UBAP1: variants seen among roughly 807,000 people sequenced by gnomAD.
UBAP1 encodes the protein ubiquitin-associated protein 1.
UBAP1 carries 5 observed loss-of-function variants against 39.0 expected under a neutral mutation model. The observed-to-expected ratio is 0.13, with a 90% CI of 0.07 to 0.27. The LOEUF (loss-of-function observed/expected upper bound fraction) is 0.27. UBAP1 is among the 10% of genes least tolerant of loss of function. The probability of loss-of-function intolerance (pLI) is 1.00; values close to 1 mark genes in which losing one functional copy is unlikely to be tolerated. For synonymous variants in UBAP1, 211 were observed against 225.1 expected, an observed-to-expected ratio of 0.94 and a Z score of 0.56; for missense variants, 490 against 608.1, an observed-to-expected ratio of 0.81 and a Z score of 2.04.
At chr9:34,217,783 CTTTTTTTTT>C (rs750494361) in intron 1 of UBAP1, among the ~76,000 whole-genome samples, 26 of 41,218 alleles carry the variant, frequency 6.3e-4, no homozygotes, top group Admixed American at 1.5e-3. Flanking sequence ...GGATTTCGTT[CTTTTTTTTT>C]TTTTTTTTTT....
At chr9:34,227,974 A>T (rs558133987) in intron 2 of UBAP1, among the ~76,000 whole-genome samples, 169 of 152,266 alleles carry the variant, frequency 1.1e-3, no homozygotes, top group Middle Eastern at 6.8e-3. Context: ...AAAAAAATTT[A>T]AAAAATTAGC....
rs534268471 is a variant in UBAP1, at chr9:34,198,938, G to A, written c.-8+19698G>A. Among the ~76,000 whole-genome samples, 9 of 152,274 alleles carry A rather than the reference G, an allele frequency of 5.9e-5. No homozygotes were observed. In the South Asian group the frequency reaches 1.9e-3, roughly 32 times the overall value. ...GGGCTTTTGGTATTTGTGCTCCAAGGGAGTGCTTAAGCCCTAGGCTCTGGA... is the reference window on the plus strand; with the variant it reads ...GGGCTTTTGGTATTTGTGCTCCAAGAGAGTGCTTAAGCCCTAGGCTCTGGA... On this transcript the variant is annotated intron_variant, in intron 1 of 6. Transcript: ENST00000297661.
At chr9:34,198,505 G>A (rs796076988) in intron 1 of UBAP1, among the ~76,000 whole-genome samples, 1 of 152,308 alleles carries the variant, frequency 6.6e-6, no homozygotes, top group African/African-American at 2.4e-5. Flanking sequence ...CTGGATCACT[G>A]GCACAGGACC....
chr9:34,221,413 T>C (rs531104193), intron 2 of UBAP1, among the ~76,000 whole-genome samples: 135 of 151,560 alleles, frequency 8.9e-4, no homozygotes, highest in South Asian at 8.1e-3. Flanking sequence ...CCTGTAGTCC[T>C]AGCTACTCGG....
At chr9:34,180,935 C>T (rs997028969) in intron 1 of UBAP1, among the ~76,000 whole-genome samples, 10 of 148,600 alleles carry the variant, frequency 6.7e-5, no homozygotes, top group Non-Finnish European at 1.0e-4. Context: ...CTCAGCCTCC[C>T]GAGTAGCTGA....
At chr9:34,217,741 C>T (rs537284459) in intron 1 of UBAP1, among the ~76,000 whole-genome samples, 2 of 142,670 alleles carry the variant, frequency 1.4e-5, no homozygotes, top group Admixed American at 7.1e-5. Flanking sequence ...ACACAAAGTC[C>T]TGCAGATTCA....
rs955341922 is a variant in UBAP1 at position 34,249,809 on chromosome 9, G to T, written c.1114G>T (p.Val372Leu). ...VTPPNFSVSQ[V>L]PNMPSCPQAY... ...CCCTCCTAATTTCTCAGTGTCACAAGTGCCCAACATGCCCAGCTGTCCCCA... is the reference window on the plus strand; with the variant it reads ...CCCTCCTAATTTCTCAGTGTCACAATTGCCCAACATGCCCAGCTGTCCCCA... Residue 372 changes from valine (V) to leucine (L), a missense_variant, in exon 5 of 7, where the codon GTG becomes TTG. By Grantham distance (32) the Val-to-Leu change is conservative (BLOSUM62 1). Coordinates refer to ENST00000297661, the MANE Select transcript of UBAP1 (RefSeq NM_016525.5). 1 of 1,614,024 alleles carries T rather than the reference G, an allele frequency of 6.2e-7. No individual in the cohort carries two copies. The highest frequency in any genetic ancestry group is 8.5e-7 in the Non-Finnish European group (1 of 1,180,036).
intron 1 of UBAP1, among the ~76,000 whole-genome samples, chr9:34,188,753 T>C (rs1830553891): frequency 6.6e-6 from 1 of 151,908 alleles, no homozygotes; most frequent in African/African-American, 2.4e-5. Flanking sequence ...GGTCAGGAGT[T>C]CGAGACCAGC....
chr9:34,240,755 G>A (rs1270906233), intron 3 of UBAP1, among the ~76,000 whole-genome samples: 1 of 152,132 alleles, frequency 6.6e-6, no homozygotes, highest in Non-Finnish European at 1.5e-5. Context: ...CCAGCTTTAT[G>A]CTTGGTTGTA....
Position 34,241,646 on chromosome 9 carries a change from T to C in UBAP1, c.621T>C (p.Ser207=). 2 of 1,614,078 alleles carry C rather than the reference T, an allele frequency of 1.2e-6. No individual in the cohort carries two copies. The highest frequency in any genetic ancestry group is 1.7e-6 in the Non-Finnish European group (2 of 1,180,006). Residue 207 remains serine, a synonymous_variant, in exon 4 of 7, where the codon TCT becomes TCC. Coordinates refer to ENST00000297661, the MANE Select transcript of UBAP1 (RefSeq NM_016525.5). ...DNNLPRGGSG[S]VLQDEEVLAS... is the part of the protein sequence containing the mutation. Reference sequence around the variant, plus strand: ...ACTTGCCCAGGGGAGGCTCTGGGTCTGTGTTACAGGATGAGGAGGTCCTGG... The same window carrying C: ...ACTTGCCCAGGGGAGGCTCTGGGTCCGTGTTACAGGATGAGGAGGTCCTGG...
intron 4 of UBAP1, among the ~76,000 whole-genome samples, chr9:34,246,089 T>C (rs1158305535): frequency 6.6e-6 from 1 of 152,224 alleles, no homozygotes. Context: ...TCTTTATTTT[T>C]AAATTTTTAT....
intron 3 of UBAP1, among the ~76,000 whole-genome samples, chr9:34,240,405 A>C (rs1833900048): frequency 6.6e-6 from 1 of 152,072 alleles, no homozygotes; most frequent in East Asian, 1.9e-4. Context: ...CTCACCTTGG[A>C]CATTAACACA....
intron 1 of UBAP1, among the ~76,000 whole-genome samples, chr9:34,194,908 T>C (rs2131518351): frequency 6.6e-6 from 1 of 152,328 alleles, no homozygotes; most frequent in South Asian, 2.1e-4. Flanking sequence ...TGGACCAGCC[T>C]GTTATTCCCA....
intron 1 of UBAP1, among the ~76,000 whole-genome samples, chr9:34,187,053 G>C (rs1350619436): frequency 6.6e-6 from 1 of 152,112 alleles, no homozygotes; most frequent in African/African-American, 2.4e-5. Context: ...GATTACAGGT[G>C]CCTGCCACCA....
At chr9:34,222,345 C>T (rs548238302) in intron 2 of UBAP1, among the ~76,000 whole-genome samples, 2 of 152,086 alleles carry the variant, frequency 1.3e-5, no homozygotes, top group African/African-American at 4.8e-5. Context: ...ACATAGATAA[C>T]CTGCCTGAGT....
chr9:34,212,661 G>A (rs1389061171), intron 1 of UBAP1, among the ~76,000 whole-genome samples: 1 of 151,960 alleles, frequency 6.6e-6, no homozygotes, highest in Admixed American at 6.6e-5. Flanking sequence ...TAAATCAGGA[G>A]GAATTGGATA....
At chr9:34,242,632 C>T (rs1464997105) in intron 4 of UBAP1, among the ~76,000 whole-genome samples, 3 of 152,190 alleles carry the variant, frequency 2.0e-5, no homozygotes, top group South Asian at 4.1e-4. Flanking sequence ...TCACGCAATT[C>T]TCCTGCCTCA....
At chr9:34,218,152 T>C (rs1377305288) in intron 1 of UBAP1, among the ~76,000 whole-genome samples, 1 of 148,712 alleles carries the variant, frequency 6.7e-6, no homozygotes, top group African/African-American at 2.5e-5. Context: ...CTCCGGAGGC[T>C]GAGGCAGGAG....
Position 34,239,851 on chromosome 9 carries a change from C to T in UBAP1, c.160-1334C>T, listed in dbSNP as rs190805054. 7.2e-5 allele frequency among the ~76,000 whole-genome samples: 11 copies of T among 152,196 alleles called. No homozygotes were observed. The East Asian group carries it at 2.1e-3, about 29-fold the overall frequency. On this transcript the variant is annotated intron_variant, in intron 3 of 6. Transcript: ENST00000297661. ...ATTATTTATTATTATACTCCAAAAC[C>T]ACATTCTTTTCTACTTTAATATTTC...
Sources: gnomAD v4.1 joint callset for allele counts (sites outside exome capture counted in the v4.1 genomes callset) on GRCh38, gnomAD v4.1.1 for gene constraint, MANE v1.5 for transcripts, NCBI Gene and HGNC (gene_info 2026-07-23, HGNC 2026-07-21) for gene names.